VWA3B: variants seen among roughly 807,000 people sequenced by gnomAD.
The protein encoded by VWA3B is von Willebrand factor A domain-containing protein 3B.
In VWA3B, 138 loss-of-function variants were observed where a neutral mutation model predicts 158.3. The ratio of observed to expected loss-of-function variants is 0.87; its 90% CI spans 0.76 to 1.00. The LOEUF (loss-of-function observed/expected upper bound fraction) is 1.00. Among genes scored for constraint, VWA3B ranks in the 50% least tolerant of loss-of-function variants. The pLI is 0.00. For missense variants in VWA3B, 1,555 were observed against 1,565.1 expected (o/e 0.99, Z 0.11); for synonymous variants, 596 against 587.3 (o/e 1.01, Z -0.21).
In VWA3B at chr2:98,300,187, T is replaced by A. The variant is rs1449319338; in HGVS notation, c.3391T>A (p.Tyr1131Asn). The change falls in exon 25 of 28, where the codon TAC (tyrosine) becomes AAC (asparagine). Residue 1131 changes from tyrosine to asparagine, a missense_variant. Coordinates refer to ENST00000477737, the MANE Select transcript of VWA3B (RefSeq NM_144992.5). ...PNKHVATEKF[Y>N]TVLKCNNRRE... Reference sequence around the variant, plus strand: ...TAAGCATGTGGCCACAGAAAAATTCTACACAGTTTTGAAGTGTAACAACCG... The same window carrying A: ...TAAGCATGTGGCCACAGAAAAATTCAACACAGTTTTGAAGTGTAACAACCG... 3.9e-5 allele frequency: 63 copies of A among 1,614,148 alleles called. No homozygotes were observed. The highest frequency in any genetic ancestry group is 5.3e-5 in the Non-Finnish European group (62 of 1,180,054).
intron 23 of VWA3B, among the ~76,000 whole-genome samples, chr2:98,294,877 T>G (rs1169237979): frequency 6.6e-6 from 1 of 152,228 alleles, no homozygotes; most frequent in Non-Finnish European, 1.5e-5. Flanking sequence ...TGTCCCTGTC[T>G]TCTCCAACGG....
the VWA3B span, among the ~76,000 whole-genome samples, chr2:98,319,355 G>T: frequency 6.6e-6 from 1 of 151,862 alleles, no homozygotes; most frequent in Non-Finnish European, 1.5e-5. Flanking sequence ...ACAACATAAA[G>T]AAAGTCAAAA....
chr2:98,248,885 C>CAT, intron 19 of VWA3B, among the ~76,000 whole-genome samples: 1 of 57,956 alleles, frequency 1.7e-5, no homozygotes, highest in Non-Finnish European at 3.3e-5. Context: ...CTTTCTTTCT[C>CAT]TCTTTCCTTT....
At chr2:98,158,715 G>T (rs1315145618) in intron 7 of VWA3B, among the ~76,000 whole-genome samples, 1 of 140,110 alleles carries the variant, frequency 7.1e-6, no homozygotes, top group Admixed American at 7.2e-5. Context: ...TTTCCTGGGG[G>T]TGGTGGAGTC....
chr2:98,290,658 T>C (rs746244572), intron 23 of VWA3B, 36 bp downstream of exon 23: 11 of 1,417,064 alleles, frequency 7.8e-6, no homozygotes, highest in South Asian at 1.3e-5. Flanking sequence ...GAGGCTTTTG[T>C]TAAATAATTT....
chr2:98,219,765 G>A (rs1388815451), intron 14 of VWA3B, among the ~76,000 whole-genome samples: 6 of 152,196 alleles, frequency 3.9e-5, no homozygotes, highest in Middle Eastern at 3.2e-3. Context: ...TGCAAGTGAG[G>A]AGACAGTGGA....
intron 9 of VWA3B, among the ~76,000 whole-genome samples, chr2:98,184,888 G>A (rs1367462303): frequency 3.9e-5 from 6 of 152,182 alleles, no homozygotes; most frequent in Non-Finnish European, 8.8e-5. Flanking sequence ...ATCTCTTGTG[G>A]TTGTCACTTA....
chr2:98,273,231 G>A (rs543320008), intron 22 of VWA3B, among the ~76,000 whole-genome samples: 1 of 152,146 alleles, frequency 6.6e-6, no homozygotes, highest in Non-Finnish European at 1.5e-5. Flanking sequence ...TACTGGTTTA[G>A]CCTGGCTTAA....
Position 98,243,338 on chromosome 2 carries a change from A to AT in VWA3B, c.2673+6618dup, listed in dbSNP as rs372807114. Among the ~76,000 whole-genome samples the AT allele has an allele frequency of 3.4e-4, 51 of 149,986 alleles. No individual in the cohort carries two copies. In the East Asian group the frequency reaches 4.7e-3, roughly 14 times the overall value. ...TTAGATTGAAAAACTGTGAGATGTA[A>AT]TTTTTTTTTTCTTGAGATGGAGTCT... On this transcript the variant is annotated intron_variant, in intron 19 of 27. Transcript: ENST00000477737.
At chr2:98,262,663 A>G (rs2105850441) in intron 21 of VWA3B, among the ~76,000 whole-genome samples, 1 of 151,922 alleles carries the variant, frequency 6.6e-6, no homozygotes, top group East Asian at 1.9e-4. Context: ...TGCTTTGATT[A>G]CACTACAGTG....
chr2:98,207,589 G>C, intron 12 of VWA3B: 7 of 515,104 alleles, frequency 1.4e-5, no homozygotes, highest in South Asian at 9.9e-5. Context: ...GGGGAAGTCA[G>C]TACTCCTGAA....
Position 98,311,895 on chromosome 2 carries a change from C to T in VWA3B, c.3598C>T (p.Pro1200Ser). The T allele has an allele frequency of 6.2e-7, 1 of 1,611,816 alleles. No individual in the cohort carries two copies. The highest frequency in any genetic ancestry group is 8.5e-7 in the Non-Finnish European group (1 of 1,179,028). Residue 1200 changes from proline to serine, a missense_variant, in exon 27 of 28, where the codon CCA (proline) becomes TCA (serine). By Grantham distance (74) the Pro-to-Ser change is moderately conservative. Transcript: ENST00000477737. ...AGCGGACACGCAGGATTCCAGAGAGCCAAGACGAGAGAAGCCCAGGAGGAA... is the reference window on the plus strand; with the variant it reads ...AGCGGACACGCAGGATTCCAGAGAGTCAAGACGAGAGAAGCCCAGGAGGAA... Reference protein sequence around the residue: ...KEADTQDSREPRREKPRRKKR... With the variant: ...KEADTQDSRESRREKPRRKKR...
chr2:98,160,109 C>A (rs1414979974), intron 7 of VWA3B, among the ~76,000 whole-genome samples: 3 of 152,034 alleles, frequency 2.0e-5, no homozygotes, highest in African/African-American at 7.2e-5. Context: ...GAGGTCTGAA[C>A]AGCGGGGTTT....
At chr2:98,126,033 T>TG (rs1238913787) in intron 5 of VWA3B, among the ~76,000 whole-genome samples, 3 of 151,436 alleles carry the variant, frequency 2.0e-5, no homozygotes, top group South Asian at 2.1e-4. Flanking sequence ...TACAGGAGAG[T>TG]GGGGGGGATA....
In VWA3B at chr2:98,230,187, AAAAG is replaced by A. The variant is rs1389889312; in HGVS notation, c.2293_2296del (p.Lys765SerfsTer41). 1.3e-6 allele frequency: 2 copies of A among 1,582,844 alleles called. No individual in the cohort carries two copies. Among genetic ancestry groups the A allele is most frequent in the African/African-American group, 1.4e-5 (1 of 73,102 alleles). ...GGCCTTTCAGATCAAAAGGTTCAGA[AAAAG>A]AAAGTCCTTCACGCAGGTATCAGTG... is the stretch of plus-strand genomic sequence containing the variant. On this transcript the variant is annotated frameshift_variant, in exon 16 of 28. Coordinates refer to ENST00000477737, the MANE Select transcript of VWA3B (RefSeq NM_144992.5). LOFTEE classifies it high-confidence loss of function.
rs1257457488 is a variant in VWA3B at position 98,267,104 on chromosome 2, A to G, written c.2844-3578A>G. ...CTATGTTGAATAGGAGTGGTGAGAG[A>G]GGGCATCCCTGTCTTGTGCCAGTTT... On this transcript the variant is annotated intron_variant, in intron 21 of 27. Transcript: ENST00000477737. Among the ~76,000 whole-genome samples the G allele has an allele frequency of 5.3e-5, 8 of 151,630 alleles. No homozygotes were observed. In the East Asian group the frequency reaches 1.2e-3, roughly 22 times the overall value.
At position 98,125,764 on chromosome 2, in the gene VWA3B, C is replaced by T. The variant is rs547541038; in HGVS notation, c.703-2475C>T. Among the ~76,000 whole-genome samples, 127 of 152,200 alleles carry T rather than the reference C, an allele frequency of 8.3e-4. No individual in the cohort carries two copies. The highest frequency in any genetic ancestry group is 2.9e-3 in the African/African-American group (120 of 41,544). On this transcript the variant is annotated intron_variant, in intron 5 of 27. Transcript: ENST00000477737. The surrounding 1 kb of genome is among the most constrained non-coding windows in gnomAD (Gnocchi z 4.1). ...CTGCAAGCTCCGCCTCCCAGGTTCACGCCATTCTCCTGCCTCAGCCTCCCC... is the reference window on the plus strand; with the variant it reads ...CTGCAAGCTCCGCCTCCCAGGTTCATGCCATTCTCCTGCCTCAGCCTCCCC...
chr2:98,317,693 G>C (rs906797643), downstream of VWA3B, among the ~76,000 whole-genome samples: 1 of 152,080 alleles, frequency 6.6e-6, no homozygotes, highest in Non-Finnish European at 1.5e-5. Flanking sequence ...TTTCTGGAAC[G>C]AACCATTCTA....
chr2:98,144,913 CAG>C (rs1157612966), intron 7 of VWA3B, among the ~76,000 whole-genome samples: 1 of 152,234 alleles, frequency 6.6e-6, no homozygotes, highest in Non-Finnish European at 1.5e-5. Flanking sequence ...ACTGAAAGGA[CAG>C]CCTGGCTGCT....
Sources: gnomAD v4.1 joint callset for allele counts (sites outside exome capture counted in the v4.1 genomes callset) on GRCh38, gnomAD v4.1.1 for gene constraint, Gnocchi (gnomAD v3.1) non-coding constraint, MANE v1.5 for transcripts, NCBI Gene and HGNC (gene_info 2026-07-23, HGNC 2026-07-21) for gene names.